The following ELP4 variants were observed in gnomAD, a reference collection of about 807,000 sequenced individuals.
ELP4 encodes the protein elongator acetyltransferase complex subunit 4.
A neutral mutation model predicts 48.9 loss-of-function variants in ELP4; 51 were observed. The observed-to-expected ratio is 1.04, with a 90% confidence interval of 0.83 to 1.32. The LOEUF is 1.32. Ranked by LOEUF, ELP4 falls within the 40% of genes most tolerant of loss-of-function variation. The pLI, the probability that ELP4 is intolerant of heterozygous loss-of-function variation, is 0.00. For missense variants in ELP4, 519 were observed against 514.6 expected (o/e 1.01, Z -0.08); for synonymous variants, 210 against 189.2 (o/e 1.11, Z -0.90).
chr11:31,602,192 CT>C (rs1957796185), intron 4 of ELP4, among the ~76,000 whole-genome samples: 2 of 151,906 alleles, frequency 1.3e-5, no homozygotes, highest in African/African-American at 4.8e-5. Flanking sequence ...ATTAAGGGGG[CT>C]TGGACTTACA....
intron 2 of ELP4, among the ~76,000 whole-genome samples, chr11:31,529,482 C>G (rs1357247341): frequency 1.3e-5 from 2 of 152,116 alleles, no homozygotes; most frequent in African/African-American, 4.8e-5. Context: ...GATACAACTC[C>G]AAGGGCATCA....
chr11:31,752,272 A>G (rs950182852), intron 9 of ELP4, among the ~76,000 whole-genome samples: 1 of 137,410 alleles, frequency 7.3e-6, no homozygotes, highest in African/African-American at 3.0e-5. Context: ...ACTTGTTCTT[A>G]GTAATTTTAA....
chr11:31,619,611 T>C (rs1318572914), intron 5 of ELP4, among the ~76,000 whole-genome samples: 1 of 151,538 alleles, frequency 6.6e-6, no homozygotes, highest in African/African-American at 2.4e-5. Flanking sequence ...TTATGAGTGC[T>C]CCACCCTCAT....
intron 3 of ELP4, among the ~76,000 whole-genome samples, chr11:31,543,580 A>G (rs1956631346): frequency 1.3e-5 from 2 of 152,170 alleles, no homozygotes; most frequent in African/African-American, 2.4e-5. Context: ...CGGCCTCCCA[A>G]CGTGCTGGGC....
chr11:31,526,808 A>C (rs909222312), intron 2 of ELP4, among the ~76,000 whole-genome samples: 8 of 151,830 alleles, frequency 5.3e-5, no homozygotes, highest in Non-Finnish European at 1.5e-5. Flanking sequence ...CTCTTCCACT[A>C]TATTAGTTAT....
intron 3 of ELP4, among the ~76,000 whole-genome samples, chr11:31,545,281 C>G (rs890764440): frequency 5.3e-5 from 8 of 152,120 alleles, no homozygotes; most frequent in African/African-American, 1.9e-4. Context: ...ATACAGAGAA[C>G]TGCTTAAAGG....
chr11:31,585,276 A>T (rs1217898597), intron 3 of ELP4, among the ~76,000 whole-genome samples: 1 of 152,144 alleles, frequency 6.6e-6, no homozygotes, highest in East Asian at 1.9e-4. Flanking sequence ...AATTTAAACA[A>T]ATGTTTCACA....
chr11:31,704,047 A>T (rs1946579376), intron 9 of ELP4, among the ~76,000 whole-genome samples: 1 of 152,152 alleles, frequency 6.6e-6, no homozygotes, highest in South Asian at 2.1e-4. Context: ...TTTATGGCCC[A>T]TGCCATCTGG....
intron 9 of ELP4, among the ~76,000 whole-genome samples, chr11:31,763,742 C>T (rs3026414): frequency 3.3e-5 from 5 of 151,902 alleles, no homozygotes; most frequent in Admixed American, 3.3e-4. Context: ...ATTTGGTGTT[C>T]AGAATGGTAC....
At chr11:31,731,614 AGAG>A (rs1210770809) in intron 9 of ELP4, among the ~76,000 whole-genome samples, 2 of 125,068 alleles carry the variant, frequency 1.6e-5, no homozygotes, top group African/African-American at 7.3e-5. Context: ...TCTGTGAAGA[AGAG>A]AGAAAAAAGG....
At chr11:31,581,461 A>G (rs533027805) in intron 3 of ELP4, among the ~76,000 whole-genome samples, 2 of 152,298 alleles carry the variant, frequency 1.3e-5, no homozygotes, top group East Asian at 3.9e-4. Context: ...TGCTGAACAT[A>G]CAATTCTAGA....
chr11:31,513,773 TAAC>T (rs1421353174), intron 1 of ELP4, among the ~76,000 whole-genome samples: 1 of 152,204 alleles, frequency 6.6e-6, no homozygotes, highest in African/African-American at 2.4e-5. Flanking sequence ...TGAATTGAAA[TAAC>T]AACAAAAGCC....
At chr11:31,632,610 T>C (rs1277704867) in intron 7 of ELP4, 3 of 420,164 alleles carry the variant, frequency 7.1e-6, no homozygotes, top group Non-Finnish European at 1.2e-5. Context: ...CTTGATATTT[T>C]AGCTACAACT....
intron 9 of ELP4, among the ~76,000 whole-genome samples, chr11:31,711,894 G>A (rs917947461): frequency 1.3e-5 from 2 of 152,028 alleles, no homozygotes; most frequent in Non-Finnish European, 2.9e-5. Flanking sequence ...ATGAAAATAA[G>A]TATCAATAAC....
At chr11:31,626,249 T>C (rs1438097526) in intron 5 of ELP4, among the ~76,000 whole-genome samples, 1 of 151,886 alleles carries the variant, frequency 6.6e-6, no homozygotes, top group African/African-American at 2.4e-5. Context: ...ATGTGATTGC[T>C]TACTTAGGAT....
chr11:31,662,585 T>C, intron 9 of ELP4: 1 of 397,984 alleles, frequency 2.5e-6, no homozygotes, highest in Non-Finnish European at 4.4e-6. Flanking sequence ...TGTCTCGTCA[T>C]TTACAAAGAA....
intron 2 of ELP4, among the ~76,000 whole-genome samples, chr11:31,531,005 G>A (rs1360633300): frequency 6.6e-6 from 1 of 152,126 alleles, no homozygotes; most frequent in Non-Finnish European, 1.5e-5. Context: ...TACTTGCCCA[G>A]TGTTATGGGG....
At chr11:31,768,953 A>C (rs747865277) in intron 9 of ELP4, among the ~76,000 whole-genome samples, 29 of 152,204 alleles carry the variant, frequency 1.9e-4, no homozygotes, top group Non-Finnish European at 4.1e-4. Flanking sequence ...CTGAATGCCC[A>C]GAAATACTTC....
At chr11:31,741,082 A>G (rs1827722660) in intron 9 of ELP4, among the ~76,000 whole-genome samples, 1 of 152,152 alleles carries the variant, frequency 6.6e-6, no homozygotes, top group African/African-American at 2.4e-5. Flanking sequence ...GTGGCACACC[A>G]GGAGATTATA....
Sources: allele counts gnomAD v4.1 joint callset (sites outside exome capture counted in the v4.1 genomes callset), GRCh38; gene constraint gnomAD v4.1.1; transcripts MANE v1.5; gene names NCBI Gene and HGNC (gene_info 2026-07-23, HGNC 2026-07-21).